Variants in STK31 observed in about 807,000 individuals in gnomAD.
STK31 encodes serine/threonine kinase 31, also known as serine/threonine-protein kinase 31.
In STK31, 89 loss-of-function variants were observed where a neutral mutation model predicts 129.7. The observed-to-expected ratio is 0.69, with a 90% CI of 0.58 to 0.82. The LOEUF (loss-of-function observed/expected upper bound fraction) is 0.82. STK31 is among the 40% of genes least tolerant of loss of function. The pLI is 0.00. For synonymous variants in STK31, 448 were observed against 395.3 expected (o/e 1.13, Z -1.58); for missense variants, 1,187 against 1,176.4 (o/e 1.01, Z -0.13).
intron 8 of STK31, 102 bp from the exon 9 acceptor site, chr7:23,752,615 A>G: frequency 1.3e-6 from 1 of 779,096 alleles, no homozygotes; most frequent in Non-Finnish European, 2.2e-6. Context: ...TGTTGGAATT[A>G]CAGGCATGAG....
chr7:23,810,418 T>A (rs1793013640), intron 22 of STK31, among the ~76,000 whole-genome samples: 1 of 149,368 alleles, frequency 6.7e-6, no homozygotes, highest in African/African-American at 2.5e-5. Flanking sequence ...ATTTTAGGGC[T>A]TAAATCTACC....
intron 6 of STK31, among the ~76,000 whole-genome samples, chr7:23,731,925 CAG>C (rs1465217219): frequency 6.6e-6 from 1 of 152,156 alleles, no homozygotes; most frequent in Non-Finnish European, 1.5e-5. Context: ...GTTTGGAAAA[CAG>C]AATGAAATAT....
chr7:23,769,578 AG>A (rs1336087985), intron 12 of STK31, 61 bp from the exon 13 acceptor site: 3 of 1,129,984 alleles, frequency 2.7e-6, no homozygotes, highest in Admixed American at 3.5e-5. Context: ...TCAGGTATTA[AG>A]GCACGATGAA....
Position 23,712,021 on chromosome 7 carries a change from A to C in STK31, c.51-78A>C, listed in dbSNP as rs145404683. On this transcript the variant is annotated intron_variant, in intron 1 of 23. Coordinates refer to ENST00000355870, the MANE Select transcript of STK31 (RefSeq NM_031414.5). ...GCATTTAGGACAAAACATTTGTAAG[A>C]ATTGAACATGATGTAGTTTAGTCTT... The C allele has an allele frequency of 3.8e-4, 454 of 1,209,332 alleles. 2 individuals carry two copies. The East Asian group carries it at 0.01, about 27-fold the overall frequency. The allele number at this position is 1,209,332 out of a possible 1,614,324, so 74.9% of individuals were successfully genotyped here. A position where few individuals can be genotyped will look rare whatever the true frequency, so the allele number is the denominator to read the frequency against.
chr7:23,790,056 G>A (rs1325248912), intron 21 of STK31, among the ~76,000 whole-genome samples: 2 of 152,100 alleles, frequency 1.3e-5, no homozygotes, highest in Non-Finnish European at 2.9e-5. Context: ...TTCTGCAGTG[G>A]ATCATCTGCA....
intron 15 of STK31, among the ~76,000 whole-genome samples, chr7:23,773,848 A>G (rs558292728): frequency 5.9e-5 from 9 of 152,026 alleles, no homozygotes; most frequent in African/African-American, 2.2e-4. Context: ...TTACATAGGT[A>G]TACATGTGCC....
rs1399412391 is a variant in STK31, at chr7:23,826,179, C to T, written c.2830-5957C>T. ...GTTAACTTTCTGTCTTGTTGGTCTG[C>T]CTAATGTTGACAGTGGGGTGTTAAA... On this transcript the variant is annotated intron_variant, in intron 23 of 23. Coordinates refer to ENST00000355870, the MANE Select transcript of STK31 (RefSeq NM_031414.5). 1.3e-5 allele frequency among the ~76,000 whole-genome samples: 2 copies of T among 151,624 alleles called. 1 individual carries two copies. Among genetic ancestry groups the T allele is most frequent in the South Asian group, 4.2e-4 (2 of 4,760 alleles).
At position 23,762,885 on chromosome 7, in the gene STK31, G is replaced by A; in HGVS notation, c.1378G>A (p.Asp460Asn). Residue 460 changes from aspartate to asparagine, a missense_variant, in exon 11 of 24, where the codon GAT (aspartate) becomes AAT (asparagine). By Grantham distance (23) the Asp-to-Asn change is conservative (BLOSUM62 1). Coordinates refer to ENST00000355870, the MANE Select transcript of STK31 (RefSeq NM_031414.5). ...MSVEDFILEV[D>N]ESSLNKRLKT... ...AGTAGAAGATTTTATTCTGGAAGTT[G>A]ATGAGTCATCTCTTAATAAACGCTT... The A allele has an allele frequency of 6.2e-7, 1 of 1,607,610 alleles. No homozygotes were observed. The highest frequency in any genetic ancestry group is 8.5e-7 in the Non-Finnish European group (1 of 1,177,438).
intron 9 of STK31, among the ~76,000 whole-genome samples, chr7:23,753,502 A>G (rs1788853733): frequency 6.6e-6 from 1 of 152,204 alleles, no homozygotes; most frequent in Non-Finnish European, 1.5e-5. Flanking sequence ...AAAATGAATG[A>G]GTGAATGAGT....
intron 23 of STK31, among the ~76,000 whole-genome samples, chr7:23,819,241 A>G (rs1018180169): frequency 4.5e-4 from 68 of 151,178 alleles, no homozygotes; most frequent in African/African-American, 1.6e-3. Context: ...TCTTAAAAAC[A>G]TATTCTGTAG....
chr7:23,813,042 T>G (rs1793238119), intron 22 of STK31, among the ~76,000 whole-genome samples: 1 of 151,800 alleles, frequency 6.6e-6, no homozygotes, highest in African/African-American at 2.4e-5. Flanking sequence ...GTTGGATCTT[T>G]TGTTATTGTC....
At chr7:23,785,012 G>T (rs73082949) in intron 17 of STK31, among the ~76,000 whole-genome samples, 10,856 of 151,906 alleles carry the variant, frequency 0.071, 426 homozygotes, top group East Asian at 0.13. Flanking sequence ...GTAGTTTTTG[G>T]GGTACAGGTG....
At chr7:23,753,614 T>C (rs1788859504) in intron 9 of STK31, among the ~76,000 whole-genome samples, 1 of 152,236 alleles carries the variant, frequency 6.6e-6, no homozygotes, top group Non-Finnish European at 1.5e-5. Flanking sequence ...GCAAGCCCAC[T>C]ACGTTTGTTA....
At chr7:23,779,511 C>T (rs1029059668) in intron 15 of STK31, among the ~76,000 whole-genome samples, 1 of 152,224 alleles carries the variant, frequency 6.6e-6, no homozygotes, top group Non-Finnish European at 1.5e-5. Context: ...ACTGGGGCTT[C>T]TATCTTTCAT....
intron 22 of STK31, among the ~76,000 whole-genome samples, chr7:23,796,035 G>T (rs1201528838): frequency 2.0e-5 from 3 of 152,204 alleles, no homozygotes; most frequent in African/African-American, 7.2e-5. Flanking sequence ...GAGAAGGCAT[G>T]ATTGTTTTTG....
chr7:23,738,081 C>T (rs1360930906), intron 8 of STK31, among the ~76,000 whole-genome samples: 2 of 152,078 alleles, frequency 1.3e-5, no homozygotes, highest in Non-Finnish European at 2.9e-5. Context: ...AAATGGGGTC[C>T]CCAGGCTACT....
chr7:23,736,908 A>G lies in STK31; in HGVS notation c.847A>G (p.Ser283Gly). The G allele has an allele frequency of 6.3e-7, 1 of 1,598,924 alleles. No individual in the cohort carries two copies. ...TAAATGAATTTGTTTTTATAGGGAA[A>G]GTTTGGCTGTTGGTGACTTTAATTT... is the stretch of plus-strand genomic sequence containing the variant. ...AGNLITFPKE[S>G]LAVGDFNLGS... Residue 283 changes from serine to glycine, a missense_variant, in exon 8 of 24, where the codon AGT (serine) becomes GGT (glycine). Physicochemically the swap from Ser to Gly is moderately conservative, Grantham distance 56. Transcript: ENST00000355870.
chr7:23,757,380 C>T (rs576262687), intron 10 of STK31, among the ~76,000 whole-genome samples: 1 of 152,192 alleles, frequency 6.6e-6, no homozygotes, highest in Admixed American at 6.5e-5. Context: ...TCTGAGTTCC[C>T]TCAGTATTTA....
Position 23,832,234 on chromosome 7 carries a change from G to A in STK31, c.2928G>A (p.Lys976=). 6.2e-7 allele frequency: 1 copy of A among 1,614,050 alleles called. No individual in the cohort carries two copies. Among genetic ancestry groups the A allele is most frequent in the South Asian group, 1.1e-5 (1 of 91,084 alleles). ...ATGCTGAATGTTTCTTGATGCCAAA[G>A]GAGCAATCAGTTCCAAACCCAGAAA... ...VLNAECFLMP[K]EQSVPNPEKD... Residue 976 remains lysine, a synonymous_variant, in exon 24 of 24, where the codon AAG becomes AAA. Coordinates refer to ENST00000355870, the MANE Select transcript of STK31 (RefSeq NM_031414.5).
Sources: gnomAD v4.1 joint callset for allele counts (sites outside exome capture counted in the v4.1 genomes callset) on GRCh38, gnomAD v4.1.1 for gene constraint, MANE v1.5 for transcripts, NCBI Gene and HGNC (gene_info 2026-07-23, HGNC 2026-07-21) for gene names.